KCNB2: variants seen among roughly 807,000 people sequenced by gnomAD.
KCNB2 encodes delayed rectifier potassium channel protein.
A neutral mutation model predicts 61.5 loss-of-function variants in KCNB2; 15 were observed. That is an observed-to-expected ratio of 0.24 (90% CI 0.16 to 0.38). The LOEUF is 0.38. Ranked by LOEUF, KCNB2 falls within the 10% of genes least tolerant of loss-of-function variation. The pLI, the probability that KCNB2 is intolerant of heterozygous loss-of-function variation, is 1.00. For missense variants in KCNB2, 828 were observed against 1,125.2 expected (o/e 0.74, Z 3.78); for synonymous variants, 457 against 446.0 (o/e 1.02, Z -0.31).
intron 2 of KCNB2, among the ~76,000 whole-genome samples, chr8:72,578,572 A>G (rs1424428394): frequency 6.6e-6 from 1 of 152,134 alleles, no homozygotes; most frequent in Admixed American, 6.5e-5. Flanking sequence ...TATTTTTCAG[A>G]CTCTAACTCA....
chr8:72,627,975 A>G (rs1213099813), intron 2 of KCNB2, among the ~76,000 whole-genome samples: 1 of 151,542 alleles, frequency 6.6e-6, no homozygotes, highest in East Asian at 1.9e-4. Flanking sequence ...TTTCTTTGAG[A>G]CAGAGTCTTG....
chr8:72,746,677 A>G (rs1808076010), intron 2 of KCNB2, among the ~76,000 whole-genome samples: 1 of 152,084 alleles, frequency 6.6e-6, no homozygotes, highest in South Asian at 2.1e-4. Context: ...CCTCAGAATG[A>G]TTGCACTGCT....
chr8:72,721,588 A>T (rs939779818), intron 2 of KCNB2, among the ~76,000 whole-genome samples: 1 of 152,258 alleles, frequency 6.6e-6, no homozygotes, highest in Non-Finnish European at 1.5e-5. Flanking sequence ...CTCAGTGGTC[A>T]GTATAGAGCC....
chr8:72,733,040 A>C (rs1807776482), intron 2 of KCNB2, among the ~76,000 whole-genome samples: 1 of 152,162 alleles, frequency 6.6e-6, no homozygotes, highest in Non-Finnish European at 1.5e-5. Flanking sequence ...ATTAACATGT[A>C]AGAGAAAGGG....
intron 2 of KCNB2, among the ~76,000 whole-genome samples, chr8:72,752,917 T>C (rs1032231569): frequency 6.6e-6 from 1 of 152,188 alleles, no homozygotes; most frequent in Admixed American, 6.6e-5. Flanking sequence ...TCTCATGAGT[T>C]CCCATTTGCT....
intron 2 of KCNB2, among the ~76,000 whole-genome samples, chr8:72,676,667 T>A (rs1806658145): frequency 6.6e-6 from 1 of 152,094 alleles, no homozygotes; most frequent in Non-Finnish European, 1.5e-5. Context: ...GTATTAACTA[T>A]TAGCGGAATT....
chr8:72,743,413 T>C (rs1387010275), intron 2 of KCNB2, among the ~76,000 whole-genome samples: 5 of 152,200 alleles, frequency 3.3e-5, no homozygotes, highest in Non-Finnish European at 4.4e-5. Flanking sequence ...GTTGAGTGTG[T>C]TGCAAAAGAC....
At chr8:72,722,459 C>CA (rs777297352) in intron 2 of KCNB2, among the ~76,000 whole-genome samples, 126 of 152,226 alleles carry the variant, frequency 8.3e-4, no homozygotes, top group Non-Finnish European at 1.4e-3. Context: ...TAGTGCTCCC[C>CA]TCTAGCCCAG....
At chr8:72,783,202 C>T (rs910487142) in intron 2 of KCNB2, among the ~76,000 whole-genome samples, 5 of 152,208 alleles carry the variant, frequency 3.3e-5, no homozygotes, top group Non-Finnish European at 7.4e-5. Context: ...CAAGGGGTTC[C>T]AACTTCTACT....
intron 1 of KCNB2, among the ~76,000 whole-genome samples, chr8:72,566,971 T>C (rs147026499): frequency 5.4e-4 from 82 of 152,018 alleles, no homozygotes; most frequent in Non-Finnish European, 1.0e-3. Flanking sequence ...CAGGAACTGG[T>C]TGGGCAGACT....
intron 2 of KCNB2, among the ~76,000 whole-genome samples, chr8:72,794,555 A>G (rs1195602251): frequency 7.8e-6 from 1 of 128,200 alleles, no homozygotes; most frequent in Admixed American, 9.5e-5. Flanking sequence ...ACGGAGCAAG[A>G]CTCCATCTCA....
At chr8:72,664,886 A>G (rs1806441744) in intron 2 of KCNB2, among the ~76,000 whole-genome samples, 1 of 152,210 alleles carries the variant, frequency 6.6e-6, no homozygotes, top group South Asian at 2.1e-4. Flanking sequence ...GAAGCAAACC[A>G]TGTCGAGATA....
At chr8:72,556,501 G>T (rs964432047) in intron 1 of KCNB2, among the ~76,000 whole-genome samples, 4 of 152,038 alleles carry the variant, frequency 2.6e-5, no homozygotes, top group African/African-American at 9.7e-5. Flanking sequence ...TTATTCCCAA[G>T]GAATGTGGAG....
chr8:72,817,437 T>C (rs1809419560), intron 2 of KCNB2, among the ~76,000 whole-genome samples: 1 of 152,206 alleles, frequency 6.6e-6, no homozygotes, highest in South Asian at 2.1e-4. Context: ...TTGATTTTTC[T>C]GTAATGGCTT....
intron 2 of KCNB2, among the ~76,000 whole-genome samples, chr8:72,745,631 A>G (rs960896423): frequency 1.3e-5 from 2 of 152,150 alleles, no homozygotes; most frequent in Admixed American, 6.6e-5. Context: ...TTTGCCAACC[A>G]TGGACATTCA....
intron 2 of KCNB2, among the ~76,000 whole-genome samples, chr8:72,713,697 G>A (rs1036311809): frequency 8.5e-5 from 13 of 152,186 alleles, no homozygotes; most frequent in East Asian, 1.9e-4. Flanking sequence ...AGATAAAACC[G>A]CAAAGATGGG....
chr8:72,571,552 A>G (rs1475054898), intron 2 of KCNB2, among the ~76,000 whole-genome samples: 4 of 152,220 alleles, frequency 2.6e-5, no homozygotes, highest in Non-Finnish European at 5.9e-5. Context: ...TCTCTGGGAT[A>G]TGGTGTGATT....
At chr8:72,864,829 G>T (rs1219471500) in intron 2 of KCNB2, among the ~76,000 whole-genome samples, 1 of 152,182 alleles carries the variant, frequency 6.6e-6, no homozygotes, top group African/African-American at 2.4e-5. Flanking sequence ...ATTGCTGCCG[G>T]CCAGGCTCTA....
intron 2 of KCNB2, among the ~76,000 whole-genome samples, chr8:72,755,844 A>G (rs1328089806): frequency 1.3e-5 from 2 of 151,902 alleles, no homozygotes; most frequent in African/African-American, 4.8e-5. Context: ...ACCGCACCCA[A>G]CTCCCTACTC....
Sources: gnomAD v4.1 joint callset for allele counts (sites outside exome capture counted in the v4.1 genomes callset) on GRCh38, gnomAD v4.1.1 for gene constraint, MANE v1.5 for transcripts, NCBI Gene and HGNC (gene_info 2026-07-23, HGNC 2026-07-21) for gene names.